Variants in PHACTR4 observed in about 807,000 individuals in gnomAD.
PHACTR4 encodes protein phosphatase 1, regulatory subunit 124.
PHACTR4 carries 51 observed loss-of-function variants against 72.7 expected under a neutral mutation model. That is an observed-to-expected ratio of 0.70 (90% confidence interval 0.56 to 0.89). The LOEUF is 0.89. Ranked by LOEUF, PHACTR4 falls within the 40% of genes least tolerant of loss-of-function variation. The probability of loss-of-function intolerance (pLI) is 0.00; values close to 1 mark genes in which losing one functional copy is unlikely to be tolerated. For missense variants in PHACTR4, 731 were observed against 861.8 expected (o/e 0.85, Z 1.90); for synonymous variants, 255 against 302.5 (o/e 0.84, Z 1.63).
At chr1:28,451,110 G>A (rs775662152) in intron 2 of PHACTR4, among the ~76,000 whole-genome samples, 38 of 150,528 alleles carry the variant, frequency 2.5e-4, no homozygotes, top group African/African-American at 7.1e-4. Context: ...ACGAGCCACC[G>A]CACCCAGCCT....
intron 2 of PHACTR4, chr1:28,453,772 C>T (rs1439110677): frequency 9.2e-6 from 9 of 981,772 alleles, no homozygotes; most frequent in Non-Finnish European, 1.4e-5. Context: ...AAAGAGGTTT[C>T]AGCAGTTATC....
chr1:28,482,858 G>C (rs1240893625), intron 9 of PHACTR4, among the ~76,000 whole-genome samples: 1 of 151,216 alleles, frequency 6.6e-6, no homozygotes, highest in Non-Finnish European at 1.5e-5. Flanking sequence ...AGGATCACTT[G>C]AGCCTGAGAG....
chr1:28,410,937 C>A (rs1436863792), intron 2 of PHACTR4, among the ~76,000 whole-genome samples: 1 of 151,924 alleles, frequency 6.6e-6, no homozygotes, highest in African/African-American at 2.4e-5. Flanking sequence ...GAACTCCTGA[C>A]CTCAGGTGAT....
chr1:28,447,564 G>A lies in PHACTR4; in HGVS notation c.17-11521G>A, dbSNP rs1055758588. On this transcript the variant is annotated intron_variant, in intron 2 of 13. Transcript: ENST00000373839. ...ACCACCATGCCTGGCTATGTATTTC[G>A]TCTTTCTACTTGCAAGTAAACTTTG... 8.6e-5 allele frequency among the ~76,000 whole-genome samples: 13 copies of A among 151,106 alleles called. No individual in the cohort carries two copies. In the South Asian group the frequency reaches 1.5e-3, roughly 17 times the overall value.
Position 28,497,643 on chromosome 1 carries a change from G to A in PHACTR4, c.*1094G>A, listed in dbSNP as rs1661437626. On this transcript the variant is annotated 3_prime_UTR_variant, in exon 14 of 14. Transcript: ENST00000373839. ...TGCTCAGGCCCACTCCCACACTGTG[G>A]AGTGTACTTTCATTTTCAATAAATC... is the stretch of plus-strand genomic sequence containing the variant. The A allele has an allele frequency of 6.7e-6, 1 of 149,468 alleles. No homozygotes were observed. Among genetic ancestry groups the A allele is most frequent in the African/African-American group, 2.5e-5 (1 of 40,518 alleles). 9.3% of individuals were successfully genotyped at this position (149,468 alleles called of 1,614,324 possible).
intron 2 of PHACTR4, among the ~76,000 whole-genome samples, chr1:28,435,154 T>C (rs1455315108): frequency 3.3e-5 from 5 of 152,226 alleles, no homozygotes; most frequent in African/African-American, 9.6e-5. Context: ...ACTCTTGACC[T>C]GGCCCCTCCT....
chr1:28,383,750 T>A (rs760085453), intron 1 of PHACTR4, among the ~76,000 whole-genome samples: 10 of 152,208 alleles, frequency 6.6e-5, no homozygotes, highest in Non-Finnish European at 1.2e-4. Flanking sequence ...GGAGCTTTTG[T>A]GCTGAGACCA....
intron 2 of PHACTR4, chr1:28,457,981 A>G: frequency 2.1e-6 from 1 of 471,224 alleles, no homozygotes; most frequent in Non-Finnish European, 2.8e-6. Context: ...CTCTGCCATT[A>G]AAACTAACTA....
In PHACTR4 at chr1:28,476,543, A is replaced by ATT. The variant is rs567564119; in HGVS notation, c.1606+268_1606+269dup. Among the ~76,000 whole-genome samples the ATT allele has an allele frequency of 2.3e-3, 306 of 133,302 alleles. 1 individual carries two copies. Among genetic ancestry groups the ATT allele is most frequent in the African/African-American group, 8.2e-3 (298 of 36,210 alleles). The allele number at this position is 133,302 out of a possible 152,430, so 87.5% of individuals were successfully genotyped here. A position where few individuals can be genotyped will look rare whatever the true frequency, so the allele number is the denominator to read the frequency against. On this transcript the variant is annotated intron_variant, in intron 8 of 13. Coordinates refer to ENST00000373839, the MANE Select transcript of PHACTR4 (RefSeq NM_001048183.3). ...AGGTTTTTTGTTTTTTTTTGTTTTA[A>ATT]TTTTTTTTTTTTTTTTTGGACAAGG... is the stretch of plus-strand genomic sequence containing the variant.
At chr1:28,409,898 A>G (rs540424442) in intron 2 of PHACTR4, among the ~76,000 whole-genome samples, 12 of 150,926 alleles carry the variant, frequency 8.0e-5, no homozygotes, top group African/African-American at 1.9e-4. Flanking sequence ...TCCATCATCA[A>G]TTAGATCCAT....
intron 4 of PHACTR4, among the ~76,000 whole-genome samples, chr1:28,464,064 A>G (rs1422691987): frequency 5.0e-5 from 5 of 99,340 alleles, no homozygotes; most frequent in Admixed American, 1.1e-4. Context: ...TTTTTTTTTG[A>G]GATGGAGTCT....
chr1:28,378,323 GAAAC>G (rs1237827708), intron 1 of PHACTR4, among the ~76,000 whole-genome samples: 2 of 144,846 alleles, frequency 1.4e-5, no homozygotes, highest in Admixed American at 7.0e-5. Flanking sequence ...CTAACATGGT[GAAAC>G]CCCGTCTCTA....
chr1:28,409,510 GA>G (rs1033254003), intron 2 of PHACTR4, among the ~76,000 whole-genome samples: 9 of 151,642 alleles, frequency 5.9e-5, no homozygotes, highest in African/African-American at 2.2e-4. Flanking sequence ...TAGCAAAAAA[GA>G]AAAAAAAGAA....
At chr1:28,440,900 G>A (rs1656980759) in intron 2 of PHACTR4, among the ~76,000 whole-genome samples, 2 of 152,088 alleles carry the variant, frequency 1.3e-5, no homozygotes, top group South Asian at 4.1e-4. Context: ...TACTTGGAAT[G>A]ATAAATATAC....
chr1:28,370,650 A>G (rs982240090), intron 1 of PHACTR4, among the ~76,000 whole-genome samples: 2 of 149,258 alleles, frequency 1.3e-5, no homozygotes, highest in Non-Finnish European at 3.0e-5. Flanking sequence ...TCGGACACTC[A>G]GCTCCTCGCT....
At chr1:28,447,185 T>G (rs1569981248) in intron 2 of PHACTR4, among the ~76,000 whole-genome samples, 1 of 151,702 alleles carries the variant, frequency 6.6e-6, no homozygotes, top group Non-Finnish European at 1.5e-5. Context: ...CTACTTTTTG[T>G]ATTTTTAGTA....
intron 4 of PHACTR4, among the ~76,000 whole-genome samples, chr1:28,463,765 C>T (rs894573603): frequency 6.6e-6 from 1 of 152,192 alleles, no homozygotes; most frequent in South Asian, 2.1e-4. Context: ...TTGGATTTCA[C>T]TCTGTCACCC....
At chr1:28,420,742 A>G (rs1557802342) in intron 2 of PHACTR4, among the ~76,000 whole-genome samples, 2 of 152,222 alleles carry the variant, frequency 1.3e-5, no homozygotes, top group Non-Finnish European at 2.9e-5. Context: ...CATAGCCCAT[A>G]TGATAAAACT....
At chr1:28,398,748 G>C (rs1249755579) in intron 1 of PHACTR4, among the ~76,000 whole-genome samples, 1 of 152,060 alleles carries the variant, frequency 6.6e-6, no homozygotes, top group Non-Finnish European at 1.5e-5. Flanking sequence ...GAACCTGGGA[G>C]CTGGAGGTTG....
Sources: allele counts gnomAD v4.1 joint callset (sites outside exome capture counted in the v4.1 genomes callset), GRCh38; gene constraint gnomAD v4.1.1; transcripts MANE v1.5; gene names NCBI Gene and HGNC (gene_info 2026-07-23, HGNC 2026-07-21).